The following PABPC4 variants were observed in gnomAD, a reference collection of about 807,000 sequenced individuals.
The protein encoded by PABPC4 is poly(A) binding protein cytoplasmic 4, also known as polyadenylate-binding protein 4.
PABPC4 carries 15 observed loss-of-function variants against 74.5 expected under a neutral mutation model. The ratio of observed to expected loss-of-function variants is 0.20; its 90% CI spans 0.13 to 0.31. The LOEUF (loss-of-function observed/expected upper bound fraction) is 0.31, where lower values mean the gene tolerates loss of function less well. PABPC4 is among the 10% of genes least tolerant of loss of function. The pLI is 1.00. For missense variants in PABPC4, 610 were observed against 853.5 expected, an observed-to-expected ratio of 0.71 and a Z score of 3.55; for synonymous variants, 345 against 303.0, an observed-to-expected ratio of 1.14 and a Z score of -1.44.
In PABPC4 at chr1:39,564,116, C is replaced by T. The variant is rs1034036674; in HGVS notation, c.1454-194G>A. 5 of 621,468 alleles carry T rather than the reference C, an allele frequency of 8.0e-6. No individual in the cohort carries two copies. In the African/African-American group the frequency reaches 9.2e-5, roughly 11 times the overall value. The allele number at this position is 621,468 out of a possible 1,614,324, so 38.5% of individuals were successfully genotyped here. A position where few individuals can be genotyped will look rare whatever the true frequency, so the allele number is the denominator to read the frequency against. On this transcript the variant is annotated intron_variant, in intron 10 of 15. Coordinates refer to ENST00000372858, the MANE Select transcript of PABPC4 (RefSeq NM_001135653.2). ...GAATACAAGACATATTCTGTATACA[C>T]TGTTTCCTTGTATTCCTCACCCCAC...
chr1:39,571,087 G>A, intron 3 of PABPC4, 147 bp downstream of exon 3: 1 of 1,533,238 alleles, frequency 6.5e-7, no homozygotes, highest in Admixed American at 1.8e-5. Context: ...GCTCAGGCAG[G>A]GAGACTCACC....
intron 7 of PABPC4, 200 bp downstream of exon 7, chr1:39,567,551 C>T (rs1199446812): frequency 3.0e-6 from 2 of 675,730 alleles, no homozygotes; most frequent in African/African-American, 1.8e-5. Context: ...CCTCTCCAGA[C>T]TCCAGTGCTT....
At chr1:39,568,061 T>C (rs994835137) in intron 6 of PABPC4, 3 of 417,940 alleles carry the variant, frequency 7.2e-6, no homozygotes, top group Non-Finnish European at 1.3e-5. Flanking sequence ...ATCGAGACCA[T>C]CCTGGCTAAC....
At chr1:39,567,313 C>A in intron 7 of PABPC4, 1 of 471,846 alleles carries the variant, frequency 2.1e-6, no homozygotes, top group Non-Finnish European at 4.3e-6. Context: ...TTTTTAAGAC[C>A]AGGGTAGAAG....
intron 8 of PABPC4, 43 bp downstream of exon 8, chr1:39,565,062 CA>C (rs1357543358): frequency 6.2e-7 from 1 of 1,604,782 alleles, no homozygotes; most frequent in East Asian, 2.2e-5. Context: ...AGAATACTGC[CA>C]GCCGGCAGGT....
At chr1:39,567,720 T>A (rs776649042) in intron 7 of PABPC4, 31 bp downstream of exon 7, 1 of 1,055,976 alleles carries the variant, frequency 9.5e-7, no homozygotes, top group Non-Finnish European at 1.5e-6. Context: ...GGAATACCAC[T>A]GCTTTCAATC....
chr1:39,567,738 C>G lies in PABPC4; in HGVS notation c.972+13G>C. On this transcript the variant is annotated intron_variant, in intron 7 of 15. Coordinates refer to ENST00000372858, the MANE Select transcript of PABPC4 (RefSeq NM_001135653.2). ...ATACCACTGCTTTCAATCCCCAGAT[C>G]GCAGTATAATACCTTAGCACTGGTA... 1 of 1,264,820 alleles carries G rather than the reference C, an allele frequency of 7.9e-7. No homozygotes were observed. Among genetic ancestry groups the G allele is most frequent in the Non-Finnish European group, 1.2e-6 (1 of 862,904 alleles). 78.3% of individuals were successfully genotyped at this position (1,264,820 alleles called of 1,614,324 possible).
At chr1:39,564,189 C>T in intron 10 of PABPC4, 1 of 631,106 alleles carries the variant, frequency 1.6e-6, no homozygotes, top group Non-Finnish European at 2.7e-6. Flanking sequence ...CAAACTTCTA[C>T]AACTAACCTT....
chr1:39,569,525 C>T, intron 5 of PABPC4, 70 bp downstream of exon 5: 2 of 1,080,954 alleles, frequency 1.9e-6, no homozygotes, highest in Non-Finnish European at 2.9e-6. Context: ...TAGGTAGGTG[C>T]TAGCAAGACC....
intron 1 of PABPC4, among the ~76,000 whole-genome samples, chr1:39,572,852 G>C (rs189194245): frequency 6.6e-6 from 1 of 152,138 alleles, no homozygotes; most frequent in Non-Finnish European, 1.5e-5. Context: ...CACAAGTAAA[G>C]ATAATCTAAA....
intron 12 of PABPC4, chr1:39,563,196 T>A (rs905673736): frequency 4.4e-5 from 8 of 182,334 alleles, no homozygotes; most frequent in African/African-American, 1.9e-4. Flanking sequence ...CCCCTTCACC[T>A]CCTACACACA....
chr1:39,575,946 G>A lies in PABPC4; in HGVS notation c.6C>T (p.Asn2=), dbSNP rs1417340644. 1.3e-6 allele frequency: 2 copies of A among 1,579,798 alleles called. No homozygotes were observed. Among genetic ancestry groups the A allele is most frequent in the Non-Finnish European group, 1.7e-6 (2 of 1,160,762 alleles). Residue 2 remains asparagine, a synonymous_variant, in exon 1 of 16, where the codon AAC becomes AAT. Transcript: ENST00000372858. ...CCATGGGGTAGCTGCTGGCCGCAGC[G>A]TTCATCTCCCCGCCCCCCACCACCC... M[N]AAASSYPMAS...
At chr1:39,562,005 G>A (rs1645775361) in intron 14 of PABPC4, 68 bp downstream of exon 14, 1 of 1,560,362 alleles carries the variant, frequency 6.4e-7, no homozygotes, top group East Asian at 2.2e-5. Flanking sequence ...CTGCACCTGG[G>A]CATCCAAGTT....
chr1:39,569,576 A>G lies in PABPC4; in HGVS notation c.738+19T>C, dbSNP rs764734467. 1.1e-5 allele frequency: 17 copies of G among 1,598,610 alleles called. No homozygotes were observed. Among genetic ancestry groups the G allele is most frequent in the East Asian group, 2.2e-5 (1 of 44,834 alleles). ...GGCAACCTCTTAAAAGCTTTTCCCA[A>G]TCTTTGTGGTATACTCACCTTATTG... On this transcript the variant is annotated intron_variant, in intron 5 of 15. Coordinates refer to ENST00000372858, the MANE Select transcript of PABPC4 (RefSeq NM_001135653.2).
intron 3 of PABPC4, 26 bp downstream of exon 3, chr1:39,571,208 T>C (rs759666234): frequency 2.7e-5 from 44 of 1,613,484 alleles, no homozygotes; most frequent in South Asian, 1.1e-4. Flanking sequence ...CATGCGATGG[T>C]TGTTGCTCCG....
At position 39,564,552 on chromosome 1, in the gene PABPC4, A is replaced by T; in HGVS notation, c.1334-10T>A. ...GGCATTCCTTGGAAGCCTGGTGAAGAGAAAAATTGCACATCATTGAGAAGT... is the reference window on the plus strand; with the variant it reads ...GGCATTCCTTGGAAGCCTGGTGAAGTGAAAAATTGCACATCATTGAGAAGT... On this transcript the variant is annotated splice_polypyrimidine_tract_variant and intron_variant, in intron 9 of 15. Coordinates refer to ENST00000372858, the MANE Select transcript of PABPC4 (RefSeq NM_001135653.2). The T allele has an allele frequency of 6.2e-7, 1 of 1,614,032 alleles. No individual in the cohort carries two copies. The highest frequency in any genetic ancestry group is 8.5e-7 in the Non-Finnish European group (1 of 1,179,928).
intron 6 of PABPC4, 129 bp from the exon 7 acceptor site, chr1:39,567,975 C>G (rs72663535): frequency 1.7e-6 from 1 of 599,160 alleles, no homozygotes; most frequent in Non-Finnish European, 3.0e-6. Flanking sequence ...ATGAAATTCT[C>G]GGCCGGACGC....
At chr1:39,571,584 A>C in intron 2 of PABPC4, 1 of 585,218 alleles carries the variant, frequency 1.7e-6, no homozygotes, top group South Asian at 1.8e-5. Context: ...TTTATCAAAA[A>C]CAAACAAACA....
At chr1:39,572,702 A>T in intron 1 of PABPC4, 116 bp from the exon 2 acceptor site, 1 of 704,260 alleles carries the variant, frequency 1.4e-6, no homozygotes, top group East Asian at 2.6e-5. Context: ...ATAAAAGGCA[A>T]CTCTATTAAA....
Sources: allele counts gnomAD v4.1 joint callset (sites outside exome capture counted in the v4.1 genomes callset), GRCh38; gene constraint gnomAD v4.1.1; transcripts MANE v1.5; gene names NCBI Gene and HGNC (gene_info 2026-07-23, HGNC 2026-07-21).